TNK2: variants seen among roughly 807,000 people sequenced by gnomAD.
TNK2 encodes tyrosine kinase non receptor 2, also known as activated CDC42 kinase 1.
A neutral mutation model predicts 101.8 loss-of-function variants in TNK2; 83 were observed. That is an observed-to-expected ratio of 0.82 (90% CI 0.68 to 0.98). The LOEUF is 0.98. TNK2 is among the 50% of genes least tolerant of loss of function. The pLI is 0.00. For missense variants in TNK2, 1,665 were observed against 1,483.2 expected (o/e 1.12, Z -2.01); for synonymous variants, 804 against 633.0 (o/e 1.27, Z -4.06).
chr3:195,876,802 GC>G (rs1386897478), intron 9 of TNK2: 4 of 362,176 alleles, frequency 1.1e-5, no homozygotes, highest in Non-Finnish European at 2.2e-5. Flanking sequence ...GCCGCTCCCG[GC>G]CCCTCCCACT....
intron 10 of TNK2, 123 bp downstream of exon 10, chr3:195,872,153 G>C (rs1025975913): frequency 1.8e-6 from 2 of 1,118,482 alleles, no homozygotes; most frequent in Non-Finnish European, 2.5e-6. Context: ...GGGGAGAGTG[G>C]CGGGTCGGGG....
chr3:195,867,327 C>T, intron 13 of TNK2, 34 bp downstream of exon 13: 3 of 1,608,342 alleles, frequency 1.9e-6, no homozygotes, highest in Non-Finnish European at 1.7e-6. Flanking sequence ...TTGGGCCCTG[C>T]CCCGCTTCGC....
Position 195,871,924 on chromosome 3 carries a change from T to C in TNK2, c.1451+352A>G, listed in dbSNP as rs551217317. ...GAACGCTCCCCGGAGAACCCTCCCC[T>C]GGAGAACCCTCCCCTGGAGAACATT... is the stretch of plus-strand genomic sequence containing the variant. On this transcript the variant is annotated intron_variant, in intron 10 of 15. Coordinates refer to ENST00000672887, the MANE Select transcript of TNK2 (RefSeq NM_001382273.1). Among the ~76,000 whole-genome samples, 4 of 149,948 alleles carry C rather than the reference T, an allele frequency of 2.7e-5. No homozygotes were observed. The South Asian group carries it at 8.5e-4, about 32-fold the overall frequency.
Position 195,867,923 on chromosome 3 carries a change from C to T in TNK2, c.2375G>A (p.Arg792Gln), listed in dbSNP as rs371807471. The T allele has an allele frequency of 1.4e-4, 218 of 1,531,896 alleles. No individual in the cohort carries two copies. Among genetic ancestry groups the T allele is most frequent in the Middle Eastern group, 5.2e-4 (3 of 5,800 alleles). The allele number at this position is 1,531,896 out of a possible 1,614,324, so 94.9% of individuals were successfully genotyped here. Residue 792 changes from arginine (R) to glutamine (Q), a missense_variant, in exon 13 of 16, where the codon CGG becomes CAG. Coordinates refer to ENST00000672887, the MANE Select transcript of TNK2 (RefSeq NM_001382273.1). ...SQWPGPASPP[R>Q]VPPREPLSPQ... The stretch of plus-strand genomic sequence containing the variant: ...GGACAGGGGCTCCCGCGGAGGCACC[C>T]GGGGAGGGGAAGCAGGTCCAGGCCA...
At chr3:195,903,046 G>A (rs146286287) in intron 1 of TNK2, among the ~76,000 whole-genome samples, 1,634 of 150,098 alleles carry the variant, frequency 0.011, 25 homozygotes, top group African/African-American at 0.038. Flanking sequence ...CACCGCACCC[G>A]GCCAGCTAAC....
chr3:195,865,622 C>T (rs536523493), intron 15 of TNK2, among the ~76,000 whole-genome samples: 17 of 148,442 alleles, frequency 1.1e-4, no homozygotes, highest in African/African-American at 4.0e-4. Flanking sequence ...AGGTGCAAAT[C>T]AGTAAGAACC....
chr3:195,864,795 GAC>G (rs1739502048), intron 15 of TNK2, among the ~76,000 whole-genome samples: 1 of 146,442 alleles, frequency 6.8e-6, no homozygotes, highest in Admixed American at 6.8e-5. Flanking sequence ...CCGAGACAGT[GAC>G]AGACAGGTGA....
rs1757271052 is a variant in TNK2 at position 195,888,963 on chromosome 3, G to T, written c.-18-357C>A. On this transcript the variant is annotated intron_variant, in intron 1 of 15. Coordinates refer to ENST00000672887, the MANE Select transcript of TNK2 (RefSeq NM_001382273.1). The surrounding 1 kb of genome is among the most constrained non-coding windows in gnomAD (Gnocchi z 5.3). ...GAAAATCTTTTAAAAACTAACAGTG[G>T]TCTCTCCGGGAACACCGACGTGTTC... 6.6e-6 allele frequency among the ~76,000 whole-genome samples: 1 copy of T among 152,100 alleles called. No homozygotes were observed. Among genetic ancestry groups the T allele is most frequent in the Admixed American group, 6.5e-5 (1 of 15,270 alleles).
rs1256170509 is a variant in TNK2, at chr3:195,863,797, T to A, written c.*384A>T. The A allele has an allele frequency of 4.3e-6, 1 of 231,052 alleles. No homozygotes were observed. Among genetic ancestry groups the A allele is most frequent in the Non-Finnish European group, 8.4e-6 (1 of 118,538 alleles). The allele number at this position is 231,052 out of a possible 1,614,324, so 14.3% of individuals were successfully genotyped here. On this transcript the variant is annotated 3_prime_UTR_variant, in exon 16 of 16. Coordinates refer to ENST00000672887, the MANE Select transcript of TNK2 (RefSeq NM_001382273.1). ...GGCCAACACATCCCGCCTGCCCAGG[T>A]CCAGCCTGGTTTCCTCCCAGTCTGT... is the stretch of plus-strand genomic sequence containing the variant.
rs906607670 is a variant in TNK2 at position 195,869,521 on chromosome 3, G to A, written c.1564C>T (p.Pro522Ser). 46 of 1,551,118 alleles carry A rather than the reference G, an allele frequency of 3.0e-5. No homozygotes were observed. Among genetic ancestry groups the A allele is most frequent in the Admixed American group, 7.8e-5 (4 of 51,016 alleles). The stretch of plus-strand genomic sequence containing the variant: ...CTCTGAGTGAAGAAGGCAGGCTGAG[G>A]TGGGCGAGGTGGAGGCTCCCCTGCA... ...GVKREPPPRP[P>S]QPAFFTQKPT... The change falls in exon 12 of 16, where the codon CCT becomes TCT. Residue 522 changes from proline to serine, a missense_variant. Physicochemically the swap from Pro to Ser is moderately conservative, Grantham distance 74 (BLOSUM62 -1). Coordinates refer to ENST00000672887, the MANE Select transcript of TNK2 (RefSeq NM_001382273.1).
intron 9 of TNK2, chr3:195,876,773 CA>C: frequency 2.6e-6 from 1 of 381,822 alleles, no homozygotes; most frequent in Non-Finnish European, 5.2e-6. Flanking sequence ...GGGGCACACC[CA>C]CAACCCTCCC....
At chr3:195,905,942 T>C (rs1308395701) in intron 1 of TNK2, among the ~76,000 whole-genome samples, 1 of 152,202 alleles carries the variant, frequency 6.6e-6, no homozygotes, top group African/African-American at 2.4e-5. Context: ...ATAAAAGGCT[T>C]ATATCCAGAA....
At chr3:195,898,679 G>T (rs192974057) in intron 1 of TNK2, among the ~76,000 whole-genome samples, 2 of 152,296 alleles carry the variant, frequency 1.3e-5, no homozygotes, top group Admixed American at 6.5e-5. Flanking sequence ...AGGCTGGAGT[G>T]CAGTGGTGTG....
intron 4 of TNK2, chr3:195,883,566 C>T (rs1181411379): frequency 6.3e-6 from 3 of 474,060 alleles, no homozygotes. Flanking sequence ...AAATACCAAC[C>T]AAAAAGTAAG....
At chr3:195,881,635 ACCC>A (rs10707803) in intron 6 of TNK2, among the ~76,000 whole-genome samples, 33 of 29,550 alleles carry the variant, frequency 1.1e-3, no homozygotes, top group South Asian at 1.6e-3. Flanking sequence ...TCCTTGTAAC[ACCC>A]CCCCCCCAGC....
chr3:195,906,243 C>G (rs1239450042), intron 1 of TNK2, among the ~76,000 whole-genome samples: 2 of 152,162 alleles, frequency 1.3e-5, no homozygotes, highest in Non-Finnish European at 2.9e-5. Flanking sequence ...AAATGTACAA[C>G]CACTTTGGAA....
intron 11 of TNK2, 45 bp from the exon 12 acceptor site, chr3:195,869,586 A>G: frequency 1.3e-6 from 2 of 1,545,008 alleles, no homozygotes; most frequent in Non-Finnish European, 1.8e-6. Flanking sequence ...ACGGAGCAGG[A>G]CAGAGGACAA....
At position 195,884,827 on chromosome 3, in the gene TNK2, C is replaced by T. The variant is rs749610201; in HGVS notation, c.441G>A (p.Ala147=). The part of the protein sequence containing the change: ...FGVVRRGEWD[A]PSGKTVSVAV... Reference sequence around the variant, plus strand: ...GAGAGCTCACCGTCTTCCCTGAGGGCGCGTCCCACTCGCCCCTGCGCACCA... The same window carrying T: ...GAGAGCTCACCGTCTTCCCTGAGGGTGCGTCCCACTCGCCCCTGCGCACCA... The change falls in exon 4 of 16, where the codon GCG becomes GCA. Residue 147 remains alanine, a synonymous_variant. Coordinates refer to ENST00000672887, the MANE Select transcript of TNK2 (RefSeq NM_001382273.1). 29 of 1,611,264 alleles carry T rather than the reference C, an allele frequency of 1.8e-5. No homozygotes were observed. The highest frequency in any genetic ancestry group is 1.6e-4 in the East Asian group (7 of 44,800).
rs746535357 is a variant in TNK2, at chr3:195,888,651, AAC to A, written c.-18-47_-18-46del. 1 of 1,551,854 alleles carries A rather than the reference AAC, an allele frequency of 6.4e-7. No homozygotes were observed. The highest frequency in any genetic ancestry group is 8.7e-7 in the Non-Finnish European group (1 of 1,146,258). ...TCAGGGACAAGGGTTGTGGGGGGACAACAGGGGCCTGCCCGAGTGACCTGGGC... is the reference window on the plus strand; with the variant it reads ...TCAGGGACAAGGGTTGTGGGGGGACAAGGGGCCTGCCCGAGTGACCTGGGC... On this transcript the variant is annotated intron_variant, in intron 1 of 15. Coordinates refer to ENST00000672887, the MANE Select transcript of TNK2 (RefSeq NM_001382273.1). This position sits in a 1 kb window ranked among gnomAD's most constrained non-coding sequence, Gnocchi z 5.3.
Sources: allele counts gnomAD v4.1 joint callset (sites outside exome capture counted in the v4.1 genomes callset), GRCh38; gene constraint gnomAD v4.1.1; non-coding constraint Gnocchi (gnomAD v3.1); transcripts MANE v1.5; gene names NCBI Gene and HGNC (gene_info 2026-07-23, HGNC 2026-07-21).